The following DNAH9 variants were observed in gnomAD, a reference collection of about 807,000 sequenced individuals.
The protein encoded by DNAH9 is dynein axonemal heavy chain 9.
In DNAH9, 345 loss-of-function variants were observed where a neutral mutation model predicts 471.6. The observed-to-expected ratio is 0.73, with a 90% CI of 0.67 to 0.80. The LOEUF is 0.80. Among genes scored for constraint, DNAH9 ranks in the 30% least tolerant of loss-of-function variants. DNAH9 has a pLI of 0.00. For missense variants in DNAH9, 5,407 were observed against 5,609.2 expected (o/e 0.96, Z 1.15); for synonymous variants, 2,093 against 2,123.6 (o/e 0.99, Z 0.40).
chr17:11,852,464 G>C (rs189779447), intron 49 of DNAH9, among the ~76,000 whole-genome samples: 6 of 152,090 alleles, frequency 3.9e-5, no homozygotes, highest in African/African-American at 1.4e-4. Context: ...TTATATTGGC[G>C]GATCCCCTTG....
chr17:11,945,633 G>A (rs1019722121), intron 67 of DNAH9, among the ~76,000 whole-genome samples: 3 of 152,092 alleles, frequency 2.0e-5, no homozygotes, highest in Non-Finnish European at 4.4e-5. Flanking sequence ...AATATTGGAG[G>A]TGGCAAAAGG....
Position 11,768,621 on chromosome 17 carries a change from T to TTGCAGGTGAG in DNAH9, c.7344+1_7344+10dup. The TTGCAGGTGAG allele has an allele frequency of 3.1e-6, 5 of 1,613,914 alleles. No homozygotes were observed. The highest frequency in any genetic ancestry group is 4.2e-6 in the Non-Finnish European group (5 of 1,179,886). On this transcript the variant is annotated frameshift_variant, in exon 37 of 69. Transcript: ENST00000262442. LOFTEE classifies it high-confidence loss of function. ...GTTCGAATTTGACCCCGAGATGCCCTTGCAGGTGAGTGCAGCTGAGCAGCC... is the reference window on the plus strand; with the variant it reads ...GTTCGAATTTGACCCCGAGATGCCCTTGCAGGTGAGTGCAGGTGAGTGCAGCTGAGCAGCC...
rs764697211 is a variant in DNAH9, at chr17:11,784,434, C to G, written c.7956C>G (p.Ile2652Met). Residue 2652 changes from isoleucine to methionine, a missense_variant, in exon 41 of 69, where the codon ATC becomes ATG. Coordinates refer to ENST00000262442, the MANE Select transcript of DNAH9 (RefSeq NM_001372.4). ...ASLQKSIPPL[I>M]DLALAFHQKI... ...TGCAGAAATCCATCCCCCCACTGAT[C>G]GATCTGGCCCTCGCCTTCCACCAGA... The G allele has an allele frequency of 6.2e-7, 1 of 1,614,078 alleles. No homozygotes were observed. Among genetic ancestry groups the G allele is most frequent in the African/African-American group, 1.3e-5 (1 of 74,940 alleles).
In DNAH9 at chr17:11,704,405, A is replaced by C. The variant is rs765236991; in HGVS notation, c.5354A>C (p.His1785Pro). 6.2e-7 allele frequency: 1 copy of C among 1,613,796 alleles called. No individual in the cohort carries two copies. The highest frequency in any genetic ancestry group is 8.5e-7 in the Non-Finnish European group (1 of 1,180,028). The change falls in exon 25 of 69, where the codon CAT becomes CCT. Residue 1785 changes from histidine (H) to proline (P), a missense_variant. His to Pro is a moderately conservative substitution (Grantham distance 77). Around this residue, in one of 3 missense-constraint regions of DNAH9, gnomAD observed 4,636 missense variants for 4,900.3 expected, o/e 0.95. Coordinates refer to ENST00000262442, the MANE Select transcript of DNAH9 (RefSeq NM_001372.4). ...ATGACTATATGCACCATCGATGTGC[A>C]TGCCCGGGATGTGGTAGCCAAGATG... ...KIMTICTIDVHARDVVAKMIA... is the reference protein window; with the variant it reads ...KIMTICTIDVPARDVVAKMIA...
chr17:11,944,045 C>T (rs546271731), intron 67 of DNAH9, among the ~76,000 whole-genome samples: 5 of 152,344 alleles, frequency 3.3e-5, no homozygotes, highest in South Asian at 2.1e-4. Context: ...AATTCATTCA[C>T]TCATTTTTCT....
chr17:11,750,836 T>A (rs111284580), intron 32 of DNAH9, among the ~76,000 whole-genome samples: 1 of 152,062 alleles, frequency 6.6e-6, no homozygotes, highest in Non-Finnish European at 1.5e-5. Flanking sequence ...GAAGTTAATA[T>A]TCATCATAAG....
At position 11,655,022 on chromosome 17, in the gene DNAH9, G is replaced by A. The variant is rs369177089; in HGVS notation, c.2595+2020G>A. ...TAAATATTTTTAGACAAAAACCACT[G>A]AACAGAAGCTCCACGAACAGAAGAC... On this transcript the variant is annotated intron_variant, in intron 14 of 68. Transcript: ENST00000262442. 1.8e-4 allele frequency among the ~76,000 whole-genome samples: 28 copies of A among 152,056 alleles called. No individual in the cohort carries two copies. In the East Asian group the frequency reaches 4.1e-3, roughly 22 times the overall value.
intron 33 of DNAH9, 27 bp downstream of exon 33, chr17:11,752,987 TC>T: frequency 6.6e-7 from 1 of 1,524,380 alleles, no homozygotes; most frequent in Non-Finnish European, 8.8e-7. Flanking sequence ...TATCCCTAGA[TC>T]ATTTCTAATC....
intron 49 of DNAH9, among the ~76,000 whole-genome samples, chr17:11,845,030 G>C (rs970194180): frequency 6.8e-6 from 1 of 148,070 alleles, no homozygotes; most frequent in East Asian, 2.0e-4. Context: ...TATACTTTAA[G>C]TTTTAGGGTA....
At chr17:11,649,366 G>C (rs1432391062) in intron 12 of DNAH9, among the ~76,000 whole-genome samples, 1 of 152,036 alleles carries the variant, frequency 6.6e-6, no homozygotes, top group African/African-American at 2.4e-5. Context: ...TTATATCTCT[G>C]AAATTGGCAT....
chr17:11,950,141 C>T (rs1276345989), intron 67 of DNAH9, among the ~76,000 whole-genome samples: 1 of 152,130 alleles, frequency 6.6e-6, no homozygotes, highest in East Asian at 1.9e-4. Flanking sequence ...TCCCATACAC[C>T]TGCTGTCCTC....
At chr17:11,649,659 C>G (rs1279689820) in intron 12 of DNAH9, among the ~76,000 whole-genome samples, 1 of 152,098 alleles carries the variant, frequency 6.6e-6, no homozygotes, top group Non-Finnish European at 1.5e-5. Flanking sequence ...TTCCTGCCAA[C>G]AAGATACTGT....
chr17:11,961,992 C>T lies in DNAH9; in HGVS notation c.12969C>T (p.Asp4323=). ...STAGLAAWFP[D]LLNRIKELEA... is the part of the protein sequence containing the mutation. ...CAGGCCTGGCAGCCTGGTTTCCAGACCTCCTCAACAGAATCAAGGAGCTAG... is the reference window on the plus strand; with the variant it reads ...CAGGCCTGGCAGCCTGGTTTCCAGATCTCCTCAACAGAATCAAGGAGCTAG... The change falls in exon 68 of 69, where the codon GAC becomes GAT. Residue 4323 remains aspartate, a synonymous_variant. Coordinates refer to ENST00000262442, the MANE Select transcript of DNAH9 (RefSeq NM_001372.4). 6.2e-7 allele frequency: 1 copy of T among 1,614,152 alleles called. No individual in the cohort carries two copies. The highest frequency in any genetic ancestry group is 8.5e-7 in the Non-Finnish European group (1 of 1,180,022).
chr17:11,805,523 CTTTTTTTTTTTTTTTTTTTTTTTTTTTTT>C lies in DNAH9; in HGVS notation c.8421-2195_8421-2167del, dbSNP rs773842478. ...TATTTGGCCAAACTTTACCCGAGTTCTTTTTTTTTTTTTTTTTTTTTTTTTTTTTTTTTTTTTTTTTTGAGATGGAGTCT... is the reference window on the plus strand; with the variant it reads ...TATTTGGCCAAACTTTACCCGAGTTCTTTTTTTTTTTTTGAGATGGAGTCT... On this transcript the variant is annotated intron_variant, in intron 43 of 68. Coordinates refer to ENST00000262442, the MANE Select transcript of DNAH9 (RefSeq NM_001372.4). 5.4e-3 allele frequency among the ~76,000 whole-genome samples: 282 copies of C among 52,106 alleles called. 9 individuals carry two copies. In the Admixed American group the frequency reaches 0.067, roughly 12 times the overall value. 34.2% of individuals were successfully genotyped at this position (52,106 alleles called of 152,430 possible).
chr17:11,926,063 G>A (rs975372647), intron 62 of DNAH9, among the ~76,000 whole-genome samples: 58 of 61,130 alleles, frequency 9.5e-4, no homozygotes, highest in African/African-American at 1.3e-3. Flanking sequence ...AAAAAAAAAA[G>A]CTGGGGGGGG....
At chr17:11,766,787 A>G (rs1462404484) in intron 36 of DNAH9, among the ~76,000 whole-genome samples, 1 of 151,974 alleles carries the variant, frequency 6.6e-6, no homozygotes, top group Admixed American at 6.6e-5. Context: ...ATATGGTGAA[A>G]CCCCATCTCT....
chr17:11,939,350 G>T (rs954339628), intron 66 of DNAH9, among the ~76,000 whole-genome samples: 1 of 152,160 alleles, frequency 6.6e-6, no homozygotes, highest in Non-Finnish European at 1.5e-5. Flanking sequence ...GTTCAAAGAA[G>T]GTTCTAATGC....
intron 51 of DNAH9, among the ~76,000 whole-genome samples, chr17:11,870,442 A>G (rs1392235321): frequency 6.6e-6 from 1 of 152,188 alleles, no homozygotes; most frequent in African/African-American, 2.4e-5. Context: ...TCCAGCCACC[A>G]CTGAATTACA....
At chr17:11,884,602 G>A (rs1036992106) in intron 56 of DNAH9, 2 of 455,954 alleles carry the variant, frequency 4.4e-6, no homozygotes, top group Non-Finnish European at 8.8e-6. Flanking sequence ...AATATGAAAA[G>A]CAATGATGGG....
Sources: allele counts gnomAD v4.1 joint callset (sites outside exome capture counted in the v4.1 genomes callset), GRCh38; gene constraint gnomAD v4.1.1; regional missense constraint gnomAD v4.1.1; transcripts MANE v1.5; gene names NCBI Gene and HGNC (gene_info 2026-07-23, HGNC 2026-07-21).